FGF2: variants seen among roughly 807,000 people sequenced by gnomAD.
FGF2 encodes fibroblast growth factor 2.
In FGF2, 13 loss-of-function variants were observed where a neutral mutation model predicts 15.9. That is an observed-to-expected ratio of 0.82 (90% CI 0.53 to 1.30). The LOEUF (loss-of-function observed/expected upper bound fraction) is 1.30. FGF2 is among the 50% of genes most tolerant of loss of function. The pLI is 0.00. For missense variants in FGF2, 163 were observed against 196.9 expected (o/e 0.83, Z 1.03); for synonymous variants, 90 against 78.4 (o/e 1.15, Z -0.78).
chr4:122,855,312 A>G (rs973038822), intron 1 of FGF2, among the ~76,000 whole-genome samples: 18 of 152,210 alleles, frequency 1.2e-4, no homozygotes, highest in Admixed American at 5.2e-4. Flanking sequence ...TAGTTGCAGA[A>G]ATACTTACTT....
intron 1 of FGF2, among the ~76,000 whole-genome samples, chr4:122,836,332 T>G (rs1437102558): frequency 6.6e-6 from 1 of 152,244 alleles, no homozygotes; most frequent in Admixed American, 6.5e-5. Context: ...ATCTTAGCCT[T>G]TAACCAGGCA....
intron 1 of FGF2, among the ~76,000 whole-genome samples, chr4:122,835,069 T>A (rs1432270596): frequency 6.6e-6 from 1 of 152,186 alleles, no homozygotes; most frequent in Non-Finnish European, 1.5e-5. Flanking sequence ...TATTTCATCT[T>A]CAGCCCAATG....
chr4:122,838,723 C>G (rs1353558149), intron 1 of FGF2, among the ~76,000 whole-genome samples: 2 of 152,198 alleles, frequency 1.3e-5, no homozygotes, highest in Admixed American at 1.3e-4. Context: ...GCCCCTTCGT[C>G]TATTCCACTC....
intron 1 of FGF2, among the ~76,000 whole-genome samples, chr4:122,846,459 T>C (rs185855862): frequency 1.8e-4 from 27 of 152,344 alleles, no homozygotes; most frequent in Admixed American, 9.1e-4. Context: ...GGCATGCCTG[T>C]ATATGTGCAA....
chr4:122,892,494 G>T lies in FGF2; in HGVS notation c.*98G>T, dbSNP rs1309589289. ...AAAGAAAATAAATGTGTATAGCTCA[G>T]TTTGGATAATTGGTCAAACAATTTT... On this transcript the variant is annotated 3_prime_UTR_variant, in exon 3 of 3. Transcript: ENST00000644866. The T allele has an allele frequency of 1.3e-6, 2 of 1,564,904 alleles. No homozygotes were observed. The highest frequency in any genetic ancestry group is 2.8e-5 in the African/African-American group (2 of 72,358).
At chr4:122,868,104 A>C (rs914247735) in intron 1 of FGF2, among the ~76,000 whole-genome samples, 2 of 152,006 alleles carry the variant, frequency 1.3e-5, no homozygotes, top group Non-Finnish European at 2.9e-5. Context: ...ATTTATATTC[A>C]GTGTTATTAT....
chr4:122,826,710 GC>G, upstream of FGF2: 1 of 1,256,324 alleles, frequency 8.0e-7, no homozygotes. Flanking sequence ...TCAGAGGCCG[GC>G]CCCAGAAAAC....
intron 1 of FGF2, among the ~76,000 whole-genome samples, chr4:122,835,725 C>G (rs777077899): frequency 1.3e-5 from 2 of 152,092 alleles, no homozygotes; most frequent in Non-Finnish European, 2.9e-5. Flanking sequence ...GACCTCTACT[C>G]TCCTGCAATT....
intron 1 of FGF2, among the ~76,000 whole-genome samples, chr4:122,843,557 G>A (rs191907954): frequency 2.8e-4 from 42 of 152,238 alleles, no homozygotes; most frequent in African/African-American, 8.7e-4. Flanking sequence ...AGTACAGTTA[G>A]GAAATGATTT....
chr4:122,827,213 C>T lies in FGF2; in HGVS notation c.39C>T (p.Pro13=), dbSNP rs573091537. ...GCATCACCACGCTGCCCGCCTTGCCCGAGGATGGCGGCAGCGGCGCCTTCC... is the reference window on the plus strand; with the variant it reads ...GCATCACCACGCTGCCCGCCTTGCCTGAGGATGGCGGCAGCGGCGCCTTCC... ...AGSITTLPAL[P]EDGGSGAFPP... is the part of the protein sequence containing the mutation. Residue 13 remains proline, a synonymous_variant, in exon 1 of 3, where the codon CCC becomes CCT. Coordinates refer to ENST00000644866, the MANE Select transcript of FGF2 (RefSeq NM_001361665.2). This position sits in a 1 kb window ranked among gnomAD's most constrained non-coding sequence, Gnocchi z 4.2. 1.4e-5 allele frequency: 22 copies of T among 1,609,844 alleles called. No homozygotes were observed. The East Asian group carries it at 3.8e-4, about 28-fold the overall frequency.
intron 2 of FGF2, among the ~76,000 whole-genome samples, chr4:122,889,216 A>G (rs1006770897): frequency 1.3e-5 from 2 of 152,196 alleles, no homozygotes; most frequent in African/African-American, 4.8e-5. Context: ...AAGTATATGC[A>G]TAAAAGCAGT....
intron 2 of FGF2, among the ~76,000 whole-genome samples, chr4:122,888,389 G>A (rs938077263): frequency 6.6e-5 from 10 of 152,096 alleles, no homozygotes; most frequent in African/African-American, 1.7e-4. Context: ...TCTTGGCAGC[G>A]AGAATAATCC....
At chr4:122,855,708 CAG>C (rs1182040859) in intron 1 of FGF2, among the ~76,000 whole-genome samples, 1 of 152,166 alleles carries the variant, frequency 6.6e-6, no homozygotes, top group Non-Finnish European at 1.5e-5. Flanking sequence ...GTAAGCGTTG[CAG>C]GAAATACAAA....
chr4:122,850,299 G>T (rs911952853), intron 1 of FGF2, among the ~76,000 whole-genome samples: 8 of 151,916 alleles, frequency 5.3e-5, no homozygotes, highest in Non-Finnish European at 1.0e-4. Flanking sequence ...AGTAAAAGTT[G>T]TGAGTTGAGC....
Position 122,897,717 on chromosome 4 carries a change from TC to T in FGF2, c.*5322del. The stretch of plus-strand genomic sequence containing the variant: ...TCAGAAAATAAAGTTAACATAACTT[TC>T]ACTAACACACACATATGTAGATTTC... On this transcript the variant is annotated 3_prime_UTR_variant, in exon 3 of 3. Transcript: ENST00000644866. The T allele has an allele frequency of 2.3e-6, 3 of 1,285,652 alleles. No individual in the cohort carries two copies. Among genetic ancestry groups the T allele is most frequent in the Non-Finnish European group, 3.4e-6 (3 of 880,218 alleles). 79.6% of individuals were successfully genotyped at this position (1,285,652 alleles called of 1,614,324 possible).
intron 1 of FGF2, among the ~76,000 whole-genome samples, chr4:122,850,339 G>A (rs1454737824): frequency 6.6e-6 from 1 of 152,134 alleles, no homozygotes; most frequent in East Asian, 1.9e-4. Flanking sequence ...TCTGGTCTTG[G>A]AACAATGTAC....
chr4:122,883,810 T>C (rs1727005935), intron 2 of FGF2, among the ~76,000 whole-genome samples: 1 of 152,202 alleles, frequency 6.6e-6, no homozygotes, highest in African/African-American at 2.4e-5. Flanking sequence ...AAAATATTAA[T>C]ATCTCAGTAT....
In FGF2 at chr4:122,896,543, G is replaced by C. The variant is rs1198888359; in HGVS notation, c.*4147G>C. ...AGAGAATTAGGCTGTAGAACAAATG[G>C]CCTTCTCTTTCAGCATTCACACCAC... On this transcript the variant is annotated 3_prime_UTR_variant, in exon 3 of 3. Coordinates refer to ENST00000644866, the MANE Select transcript of FGF2 (RefSeq NM_001361665.2). 6.6e-6 allele frequency: 1 copy of C among 152,026 alleles called. No homozygotes were observed. Among genetic ancestry groups the C allele is most frequent in the African/African-American group, 2.4e-5 (1 of 41,376 alleles). 9.4% of individuals were successfully genotyped at this position (152,026 alleles called of 1,614,324 possible).
chr4:122,878,133 T>C (rs1726893758), intron 2 of FGF2, among the ~76,000 whole-genome samples: 1 of 152,228 alleles, frequency 6.6e-6, no homozygotes, highest in Non-Finnish European at 1.5e-5. Context: ...GGCAGAAGTG[T>C]AAATAAGTAT....
Sources: gnomAD v4.1 joint callset for allele counts (sites outside exome capture counted in the v4.1 genomes callset) on GRCh38, gnomAD v4.1.1 for gene constraint, Gnocchi (gnomAD v3.1) non-coding constraint, MANE v1.5 for transcripts, NCBI Gene and HGNC (gene_info 2026-07-23, HGNC 2026-07-21) for gene names.